Variants in EGLN1 observed in about 807,000 individuals in gnomAD.
EGLN1 encodes the protein egl-9 family hypoxia inducible factor 1, also known as egl nine homolog 1.
Under a neutral mutation model 38.3 loss-of-function variants are expected in EGLN1, and 17 were observed. That is an observed-to-expected ratio of 0.44 (90% CI 0.30 to 0.67). The LOEUF is 0.67. EGLN1 is among the 30% of genes least tolerant of loss of function. The pLI, the probability that EGLN1 is intolerant of heterozygous loss-of-function variation, is 0.08. For missense variants in EGLN1, 477 were observed against 603.3 expected (o/e 0.79, Z 2.19); for synonymous variants, 283 against 257.5 (o/e 1.10, Z -0.95).
chr1:231,370,568 G>T lies in EGLN1; in HGVS notation c.1142C>A (p.Ala381Asp). The part of the protein sequence containing the change: ...RNPHEVQPAY[A>D]TRYAITVWYF... The stretch of plus-strand genomic sequence containing the variant: ...TTCTGAAAAGGAATACTACCTTGTA[G>T]CATATGCTGGTTGTACTTCATGAGG... The change falls in exon 3 of 5, where the codon GCT becomes GAT. Residue 381 changes from alanine (A) to aspartate (D), a missense_variant. By Grantham distance (126) the Ala-to-Asp change is moderately radical. This residue lies in a region of EGLN1 where 59 missense variants were observed against 119.0 expected (regional missense o/e 0.50). Transcript: ENST00000366641. The T allele has an allele frequency of 6.2e-7, 1 of 1,613,608 alleles. No individual in the cohort carries two copies. Among genetic ancestry groups the T allele is most frequent in the East Asian group, 2.2e-5 (1 of 44,856 alleles).
At chr1:231,415,303 A>T (rs1282344341) in intron 1 of EGLN1, among the ~76,000 whole-genome samples, 1 of 151,944 alleles carries the variant, frequency 6.6e-6, no homozygotes, top group Non-Finnish European at 1.5e-5. Context: ...AAAATATGCC[A>T]AAATTAGTTA....
intron 1 of EGLN1, among the ~76,000 whole-genome samples, chr1:231,380,204 T>G (rs1279978713): frequency 1.3e-5 from 2 of 151,446 alleles, no homozygotes; most frequent in African/African-American, 4.9e-5. Flanking sequence ...TGAAATAAAG[T>G]CATTTAGAAT....
intron 1 of EGLN1, among the ~76,000 whole-genome samples, chr1:231,412,141 A>G (rs1688968081): frequency 6.6e-6 from 1 of 151,820 alleles, no homozygotes; most frequent in African/African-American, 2.4e-5. Flanking sequence ...CTCCACATCA[A>G]AGGGATGAAA....
chr1:231,412,730 T>C (rs561372495), intron 1 of EGLN1, among the ~76,000 whole-genome samples: 2 of 152,306 alleles, frequency 1.3e-5, no homozygotes, highest in East Asian at 1.9e-4. Flanking sequence ...TGTGAAAATA[T>C]AGAACATATA....
intron 1 of EGLN1, among the ~76,000 whole-genome samples, chr1:231,398,205 C>T (rs1688579584): frequency 6.6e-6 from 1 of 151,944 alleles, no homozygotes; most frequent in Admixed American, 6.6e-5. Context: ...CAGTCAATAT[C>T]TCAAAAAGAT....
chr1:231,384,667 T>C (rs1266306691), intron 1 of EGLN1, among the ~76,000 whole-genome samples: 3 of 152,068 alleles, frequency 2.0e-5, no homozygotes, highest in Non-Finnish European at 4.4e-5. Context: ...GGGACGCACA[T>C]CATGGAGGGT....
rs1205016677 is a variant in EGLN1 at position 231,421,744 on chromosome 1, G to A, written c.145C>T (p.Gln49Ter). The A allele has an allele frequency of 6.5e-7, 1 of 1,546,880 alleles. No homozygotes were observed. Among genetic ancestry groups the A allele is most frequent in the Non-Finnish European group, 8.7e-7 (1 of 1,155,190 alleles). ...ACGAGCTTGTGCTTCTTCCAGTCCT[G>A]ACGCTGGTGCTCCTTGCAGCAGTAG... ...SFYCCKEHQR[Q>*]DWKKHKLVCQ... The change falls in exon 1 of 5, where the codon CAG becomes TAG. Residue 49 changes from glutamine to a stop codon, truncating the protein, a stop_gained. Transcript: ENST00000366641. LOFTEE classifies it high-confidence loss of function. The surrounding 1 kb of genome is among the most constrained non-coding windows in gnomAD (Gnocchi z 5.5).
intron 1 of EGLN1, among the ~76,000 whole-genome samples, chr1:231,390,874 C>A (rs1572033249): frequency 6.7e-6 from 1 of 150,218 alleles, no homozygotes; most frequent in South Asian, 2.1e-4. Flanking sequence ...TTTTAAGAGA[C>A]AAGGTCTCTG....
chr1:231,371,987 C>T (rs1044858933), intron 2 of EGLN1, among the ~76,000 whole-genome samples: 2 of 152,152 alleles, frequency 1.3e-5, no homozygotes, highest in African/African-American at 4.8e-5. Context: ...GAGTGATTCC[C>T]CAGGCTACTA....
rs1418945828 is a variant in EGLN1 at position 231,396,286 on chromosome 1, G to A, written c.892-22187C>T. Among the ~76,000 whole-genome samples the A allele has an allele frequency of 2.8e-5, 4 of 141,468 alleles. No individual in the cohort carries two copies. In the South Asian group the frequency reaches 6.5e-4, roughly 23 times the overall value. 92.8% of individuals were successfully genotyped at this position (141,468 alleles called of 152,430 possible). ...TTCTTTTTTGAGATTGGGGAGTCTCGCTCTGTTGCCAGGCTGGAATGCAGT... is the reference window on the plus strand; with the variant it reads ...TTCTTTTTTGAGATTGGGGAGTCTCACTCTGTTGCCAGGCTGGAATGCAGT... On this transcript the variant is annotated intron_variant, in intron 1 of 4. Coordinates refer to ENST00000366641, the MANE Select transcript of EGLN1 (RefSeq NM_022051.3).
chr1:231,422,054 C>T lies in EGLN1; in HGVS notation c.-166G>A, dbSNP rs1656651292. The stretch of plus-strand genomic sequence containing the variant: ...AGGCCGGCACCCCACGCCCTCGGCC[C>T]GGCCGCTTCCGAGTCCTAAGCTCCG... On this transcript the variant is annotated 5_prime_UTR_variant, in exon 1 of 5. Coordinates refer to ENST00000366641, the MANE Select transcript of EGLN1 (RefSeq NM_022051.3). 1 of 663,130 alleles carries T rather than the reference C, an allele frequency of 1.5e-6. No individual in the cohort carries two copies. 41.1% of individuals were successfully genotyped at this position (663,130 alleles called of 1,614,324 possible). A position where few individuals can be genotyped will look rare whatever the true frequency, so the allele number is the denominator to read the frequency against.
chr1:231,391,092 T>TTGTGTGTGTGTGTGTGTG (rs763284659), intron 1 of EGLN1, among the ~76,000 whole-genome samples: 1 of 67,368 alleles, frequency 1.5e-5, no homozygotes, highest in African/African-American at 4.8e-5. Context: ...TGTTTTTTTT[T>TTGTGTGTGTGTGTGTGTG]TGTGTGTGTG....
chr1:231,413,446 A>G (rs1364938387), intron 1 of EGLN1, among the ~76,000 whole-genome samples: 2 of 152,158 alleles, frequency 1.3e-5, no homozygotes, highest in Non-Finnish European at 2.9e-5. Flanking sequence ...ACATATCCAC[A>G]TAACTAATTT....
intron 1 of EGLN1, among the ~76,000 whole-genome samples, chr1:231,404,612 TA>T (rs376694281): frequency 9.3e-5 from 14 of 150,578 alleles, no homozygotes; most frequent in South Asian, 4.2e-4. Context: ...ACCCCGTCTC[TA>T]AAAAAAAAAT....
chr1:231,369,424 T>A (rs1417491094), intron 3 of EGLN1: 1 of 228,968 alleles, frequency 4.4e-6, no homozygotes, highest in African/African-American at 2.3e-5. Context: ...TATGAGGCAG[T>A]TACTGTGTCA....
intron 1 of EGLN1, among the ~76,000 whole-genome samples, chr1:231,402,070 G>A (rs1277100185): frequency 6.6e-6 from 1 of 152,148 alleles, no homozygotes; most frequent in Non-Finnish European, 1.5e-5. Context: ...AACCAATGAT[G>A]TTGAGAATCT....
intron 1 of EGLN1, among the ~76,000 whole-genome samples, chr1:231,391,092 T>C (rs142830680): frequency 0.029 from 1,964 of 67,322 alleles, 120 homozygotes; most frequent in Middle Eastern, 0.12. Flanking sequence ...TGTTTTTTTT[T>C]TGTGTGTGTG....
intron 1 of EGLN1, among the ~76,000 whole-genome samples, chr1:231,387,855 G>T (rs941355730): frequency 6.6e-6 from 1 of 152,056 alleles, no homozygotes; most frequent in Non-Finnish European, 1.5e-5. Flanking sequence ...CCACCCACCA[G>T]AACATCCATC....
At chr1:231,377,661 AG>A (rs1472618036) in intron 1 of EGLN1, among the ~76,000 whole-genome samples, 1 of 152,228 alleles carries the variant, frequency 6.6e-6, no homozygotes, top group Admixed American at 6.5e-5. Flanking sequence ...AACAAAACTG[AG>A]GGCACCAGGA....
Sources: gnomAD v4.1 joint callset for allele counts (sites outside exome capture counted in the v4.1 genomes callset) on GRCh38, gnomAD v4.1.1 for gene constraint, gnomAD v4.1.1 regional missense constraint, Gnocchi (gnomAD v3.1) non-coding constraint, MANE v1.5 for transcripts, NCBI Gene and HGNC (gene_info 2026-07-23, HGNC 2026-07-21) for gene names.